PLB1: variants seen among roughly 807,000 people sequenced by gnomAD.
The protein encoded by PLB1 is phospholipase B1, membrane-associated.
In PLB1, 242 loss-of-function variants were observed where a neutral mutation model predicts 227.4. The observed-to-expected ratio is 1.06, with a 90% CI of 0.96 to 1.18. PLB1 has a LOEUF of 1.18. Among genes scored for constraint, PLB1 ranks in the 50% most tolerant of loss-of-function variants. The probability of loss-of-function intolerance (pLI) is 0.00; values close to 1 mark genes in which losing one functional copy is unlikely to be tolerated. For missense variants in PLB1, 1,858 were observed against 1,816.3 expected (o/e 1.02, Z -0.42); for synonymous variants, 757 against 682.2 (o/e 1.11, Z -1.71).
intron 4 of PLB1, among the ~76,000 whole-genome samples, chr2:28,521,459 G>A (rs902359392): frequency 6.6e-6 from 1 of 152,122 alleles, no homozygotes; most frequent in African/African-American, 2.4e-5. Context: ...GGGTTGGTTG[G>A]TTGTGGTTGG....
intron 5 of PLB1, 86 bp downstream of exon 5, chr2:28,525,393 G>C: frequency 1.4e-6 from 2 of 1,418,192 alleles, no homozygotes; most frequent in Non-Finnish European, 2.0e-6. Flanking sequence ...GGAAAGATTG[G>C]AGGCCAGGGA....
intron 23 of PLB1, among the ~76,000 whole-genome samples, chr2:28,581,661 CTG>C: frequency 6.6e-6 from 1 of 152,162 alleles, no homozygotes. Context: ...CCCACTGTGA[CTG>C]AATACAGAAA....
intron 12 of PLB1, 74 bp from the exon 13 acceptor site, chr2:28,541,633 G>A (rs1414460131): frequency 8.9e-7 from 1 of 1,120,946 alleles, no homozygotes; most frequent in African/African-American, 1.5e-5. Context: ...TGCCGAGAAT[G>A]ATTTGGTCAG....
rs186504901 is a variant in PLB1 at position 28,567,466 on chromosome 2, T to A, written c.1324+627T>A. 3.4e-3 allele frequency among the ~76,000 whole-genome samples: 454 copies of A among 134,014 alleles called. 2 individuals carry two copies. The highest frequency in any genetic ancestry group is 0.014 in the African/African-American group (428 of 31,538). 87.9% of individuals were successfully genotyped at this position (134,014 alleles called of 152,430 possible). Reference sequence around the variant, plus strand: ...ATCAACCTGCTCGGAATGATTTCTTTCTCTTTTTTTTTTTTTTTTTTTTTG... The same window carrying A: ...ATCAACCTGCTCGGAATGATTTCTTACTCTTTTTTTTTTTTTTTTTTTTTG... On this transcript the variant is annotated intron_variant, in intron 20 of 57. Transcript: ENST00000327757.
At chr2:28,509,107 A>G (rs1370549951) in intron 1 of PLB1, among the ~76,000 whole-genome samples, 1 of 152,206 alleles carries the variant, frequency 6.6e-6, no homozygotes, top group Admixed American at 6.5e-5. Context: ...GATAGATTAG[A>G]TGCTTAATCA....
At chr2:28,629,642 G>T (rs1688318045) in intron 53 of PLB1, among the ~76,000 whole-genome samples, 1 of 152,196 alleles carries the variant, frequency 6.6e-6, no homozygotes, top group Non-Finnish European at 1.5e-5. Flanking sequence ...CACCTTCCCT[G>T]CAAGGTAGAT....
intron 20 of PLB1, among the ~76,000 whole-genome samples, chr2:28,568,436 C>T (rs983376331): frequency 1.3e-5 from 2 of 152,200 alleles, no homozygotes; most frequent in Non-Finnish European, 2.9e-5. Flanking sequence ...ATGGATTATC[C>T]GCTATTTAGA....
In PLB1 at chr2:28,618,352, C is replaced by T. The variant is rs370742275; in HGVS notation, c.3268C>T (p.Arg1090Ter). 2.1e-5 allele frequency: 34 copies of T among 1,614,000 alleles called. No individual in the cohort carries two copies. The highest frequency in any genetic ancestry group is 4.0e-5 in the African/African-American group (3 of 74,910). ...NSVPTSVHQL[R>*]PADIKVVAAL... is the part of the protein sequence containing the mutation. ...CTTGTCTCCCCTAGTCCACCAGCTC[C>T]GACCAGCAGACATCAAAGTGGTGGC... is the stretch of plus-strand genomic sequence containing the variant. The change falls in exon 46 of 58, where the codon CGA becomes TGA. Residue 1090 changes from arginine (R) to a stop codon, truncating the protein, a stop_gained. Transcript: ENST00000327757. LOFTEE classifies it high-confidence loss of function.
chr2:28,499,343 T>C (rs1349982549), intron 1 of PLB1, among the ~76,000 whole-genome samples: 3 of 152,072 alleles, frequency 2.0e-5, no homozygotes, highest in Non-Finnish European at 2.9e-5. Context: ...GAATCCAGGC[T>C]CAAGTCTGGA....
chr2:28,611,124 G>A (rs6760822), intron 43 of PLB1, among the ~76,000 whole-genome samples: 84,692 of 151,936 alleles, frequency 0.56, 24,083 homozygotes, highest in East Asian at 0.89. Context: ...GGGAGGGGGA[G>A]GAAAGCCCTG....
At chr2:28,561,140 C>T (rs531729810) in intron 17 of PLB1, among the ~76,000 whole-genome samples, 3 of 152,324 alleles carry the variant, frequency 2.0e-5, no homozygotes, top group East Asian at 1.9e-4. Context: ...TAGTGTTTAT[C>T]GGTCTTACAC....
Position 28,598,013 on chromosome 2 carries a change from G to A in PLB1, c.2330G>A (p.Gly777Glu), listed in dbSNP as rs1197138088. 1.2e-6 allele frequency: 2 copies of A among 1,613,190 alleles called. No homozygotes were observed. The highest frequency in any genetic ancestry group is 1.7e-4 in the Middle Eastern group (1 of 6,060). ...QYRGLSYSAG[G>E]DGSLENVTTL... is the part of the protein sequence containing the mutation. ...TTGCTCACTCCCTACAGTGCAGGAG[G>A]GGACGGCTCCCTGGAGAATGTGACC... Residue 777 changes from glycine (G) to glutamate (E), a missense_variant, in exon 34 of 58, where the codon GGG becomes GAG. Transcript: ENST00000327757.
At chr2:28,619,687 A>C (rs777695563) in intron 46 of PLB1, among the ~76,000 whole-genome samples, 1 of 152,124 alleles carries the variant, frequency 6.6e-6, no homozygotes, top group Non-Finnish European at 1.5e-5. Flanking sequence ...GGGGTAGACC[A>C]GCTCAAGGCC....
At chr2:28,570,575 C>T (rs954960774) in intron 20 of PLB1, among the ~76,000 whole-genome samples, 1 of 152,184 alleles carries the variant, frequency 6.6e-6, no homozygotes, top group Admixed American at 6.5e-5. Flanking sequence ...CGCTTGAAGT[C>T]AGGAGTTAGA....
At chr2:28,562,558 A>AAAAAAAAAAAAG (rs1261725245) in intron 17 of PLB1, among the ~76,000 whole-genome samples, 40 of 147,762 alleles carry the variant, frequency 2.7e-4, no homozygotes, top group Middle Eastern at 3.7e-3. Context: ...AAAAAAAAAA[A>AAAAAAAAAAAAG]AGTCAGTGGC....
At chr2:28,639,572 G>A (rs1039803671) in intron 56 of PLB1, among the ~76,000 whole-genome samples, 2 of 152,196 alleles carry the variant, frequency 1.3e-5, no homozygotes, top group African/African-American at 4.8e-5. Flanking sequence ...GAGGGGAGAT[G>A]TCGGAGCAGG....
intron 17 of PLB1, among the ~76,000 whole-genome samples, 183 bp from the exon 18 acceptor site, chr2:28,562,858 C>T (rs754926186): frequency 3.9e-5 from 6 of 152,090 alleles, no homozygotes; most frequent in Non-Finnish European, 8.8e-5. Flanking sequence ...TCAGACTCCA[C>T]AGCTGGCATT....
intron 13 of PLB1, 138 bp from the exon 14 acceptor site, chr2:28,543,074 T>C: frequency 1.2e-6 from 1 of 832,146 alleles, no homozygotes; most frequent in Non-Finnish European, 1.8e-6. Context: ...CCCCTGTTAT[T>C]GATGAGGGGC....
intron 9 of PLB1, among the ~76,000 whole-genome samples, chr2:28,536,329 G>C (rs566544205): frequency 1.3e-5 from 2 of 152,288 alleles, no homozygotes; most frequent in South Asian, 4.1e-4. Flanking sequence ...AGTGACCTGA[G>C]GATGCTTTTT....
Sources: gnomAD v4.1 joint callset for allele counts (sites outside exome capture counted in the v4.1 genomes callset) on GRCh38, gnomAD v4.1.1 for gene constraint, MANE v1.5 for transcripts, NCBI Gene and HGNC (gene_info 2026-07-23, HGNC 2026-07-21) for gene names.